The following DNAH7 variants were observed in gnomAD, a reference collection of about 807,000 sequenced individuals.
The protein encoded by DNAH7 is axonemal beta dynein heavy chain 7.
In DNAH7, 397 loss-of-function variants were observed where a neutral mutation model predicts 444.6. The observed-to-expected ratio is 0.89, with a 90% CI of 0.82 to 0.97. DNAH7 has a LOEUF of 0.97. Ranked by LOEUF, DNAH7 falls within the 50% of genes least tolerant of loss-of-function variation. The pLI, the probability that DNAH7 is intolerant of heterozygous loss-of-function variation, is 0.00. For missense variants in DNAH7, 4,902 were observed against 4,800.8 expected (o/e 1.02, Z -0.62); for synonymous variants, 1,636 against 1,624.4 (o/e 1.01, Z -0.17).
At chr2:195,798,683 A>C (rs1574455750) in intron 55 of DNAH7, among the ~76,000 whole-genome samples, 1 of 151,750 alleles carries the variant, frequency 6.6e-6, no homozygotes, top group African/African-American at 2.4e-5. Context: ...AGCTGGGACT[A>C]CAGGCGTCTG....
intron 42 of DNAH7, among the ~76,000 whole-genome samples, chr2:195,859,914 G>A (rs552521128): frequency 3.3e-4 from 50 of 152,258 alleles, no homozygotes; most frequent in African/African-American, 1.2e-3. Flanking sequence ...TTCCTTCCAA[G>A]TAACCTGAAA....
intron 17 of DNAH7, among the ~76,000 whole-genome samples, chr2:195,962,605 C>G (rs1691186912): frequency 1.3e-5 from 2 of 152,234 alleles, no homozygotes; most frequent in Non-Finnish European, 2.9e-5. Flanking sequence ...CTGCCTTGGC[C>G]TCCCAAAGTG....
At chr2:195,745,143 T>C (rs1017054754) in intron 63 of DNAH7, among the ~76,000 whole-genome samples, 19 of 151,820 alleles carry the variant, frequency 1.3e-4, no homozygotes, top group African/African-American at 2.2e-4. Flanking sequence ...GAATAACCAA[T>C]AGAGAGAAGT....
chr2:195,751,757 C>T (rs544444572), intron 63 of DNAH7, among the ~76,000 whole-genome samples: 1 of 152,306 alleles, frequency 6.6e-6, no homozygotes, highest in Non-Finnish European at 1.5e-5. Flanking sequence ...GCGGCTAGAA[C>T]ACGCCTGGCC....
In DNAH7 at chr2:196,052,908, C is replaced by T. The variant is rs144553060; in HGVS notation, c.79-1659G>A. Reference sequence around the variant, plus strand: ...GAAGGTAATCCATTCCCTAACTCAACAATGGTTCACCAGCTCCTACCATGT... The same window carrying T: ...GAAGGTAATCCATTCCCTAACTCAATAATGGTTCACCAGCTCCTACCATGT... On this transcript the variant is annotated intron_variant, in intron 2 of 64. Transcript: ENST00000312428. Among the ~76,000 whole-genome samples, 377 of 152,254 alleles carry T rather than the reference C, an allele frequency of 2.5e-3. 1 individual carries two copies. Among genetic ancestry groups the T allele is most frequent in the African/African-American group, 8.5e-3 (355 of 41,538 alleles).
chr2:196,005,342 AAGG>A (rs1205558371), intron 10 of DNAH7, among the ~76,000 whole-genome samples: 3 of 151,716 alleles, frequency 2.0e-5, no homozygotes, highest in Admixed American at 6.6e-5. Flanking sequence ...TCAAAACAAG[AAGG>A]AGAAGGGAGG....
chr2:195,777,812 A>AG lies in DNAH7; in HGVS notation c.11051dup (p.Pro3685SerfsTer4). On this transcript the variant is annotated frameshift_variant, in exon 59 of 65. Coordinates refer to ENST00000312428, the MANE Select transcript of DNAH7 (RefSeq NM_018897.3). LOFTEE classifies it high-confidence loss of function. Reference sequence around the variant, plus strand: ...AGGGCATACTTACATCACCAGAAGGAGGAACAAAATAGATGCCACTTGAGT... The same window carrying AG: ...AGGGCATACTTACATCACCAGAAGGAGGGAACAAAATAGATGCCACTTGAGT... 6.2e-7 allele frequency: 1 copy of AG among 1,612,012 alleles called. No individual in the cohort carries two copies. Among genetic ancestry groups the AG allele is most frequent in the South Asian group, 1.1e-5 (1 of 90,836 alleles).
intron 12 of DNAH7, among the ~76,000 whole-genome samples, chr2:195,998,413 A>C (rs995295499): frequency 6.6e-6 from 1 of 152,076 alleles, no homozygotes; most frequent in Non-Finnish European, 1.5e-5. Context: ...ATCTCTACTA[A>C]AAATACAAAA....
At chr2:195,970,756 A>G (rs1022822789) in intron 16 of DNAH7, among the ~76,000 whole-genome samples, 1 of 152,230 alleles carries the variant, frequency 6.6e-6, no homozygotes, top group African/African-American at 2.4e-5. Flanking sequence ...TCTAAAAAAT[A>G]GCTCAATAAA....
At chr2:195,776,793 G>A (rs1145936) in intron 59 of DNAH7, among the ~76,000 whole-genome samples, 2 of 151,846 alleles carry the variant, frequency 1.3e-5, no homozygotes, top group African/African-American at 2.4e-5. Flanking sequence ...TTAAATGGAC[G>A]TCTATTAAAA....
intron 2 of DNAH7, among the ~76,000 whole-genome samples, chr2:196,054,368 A>G (rs1458940322): frequency 6.6e-6 from 1 of 152,048 alleles, no homozygotes; most frequent in East Asian, 1.9e-4. Context: ...CAAAACAGAT[A>G]CACAAAAATA....
chr2:195,968,042 G>C (rs1210882438), intron 17 of DNAH7, among the ~76,000 whole-genome samples: 3 of 152,192 alleles, frequency 2.0e-5, no homozygotes, highest in Non-Finnish European at 2.9e-5. Context: ...GTTCATTTAA[G>C]GCCCAAGCAC....
chr2:196,047,543 G>A, intron 4 of DNAH7, 44 bp from the exon 5 acceptor site: 3 of 1,468,668 alleles, frequency 2.0e-6, no homozygotes, highest in East Asian at 2.4e-5. Context: ...TCATCTAAAA[G>A]GTAAGCTAAA....
rs1700841067 is a variant in DNAH7 at position 195,873,527 on chromosome 2, A to G, written c.6413+41T>C. On this transcript the variant is annotated intron_variant, in intron 39 of 64. Coordinates refer to ENST00000312428, the MANE Select transcript of DNAH7 (RefSeq NM_018897.3). ...TATTGATATGTTTCTAAAATATTTTATACCTCCTAATTAAAAAAAAAACAA... is the reference window on the plus strand; with the variant it reads ...TATTGATATGTTTCTAAAATATTTTGTACCTCCTAATTAAAAAAAAAACAA... The G allele has an allele frequency of 3.5e-6, 4 of 1,142,810 alleles. No homozygotes were observed. The African/African-American group carries it at 6.4e-5, about 18-fold the overall frequency. 70.8% of individuals were successfully genotyped at this position (1,142,810 alleles called of 1,614,324 possible). A position where few individuals can be genotyped will look rare whatever the true frequency, so the allele number is the denominator to read the frequency against.
intron 29 of DNAH7, among the ~76,000 whole-genome samples, chr2:195,895,526 G>A (rs146129818): frequency 6.4e-4 from 98 of 152,154 alleles, no homozygotes; most frequent in African/African-American, 1.5e-3. Flanking sequence ...TGCAGCCTCC[G>A]CCTCCCAGGC....
chr2:196,023,668 T>C (rs745338375), intron 8 of DNAH7, among the ~76,000 whole-genome samples: 2 of 152,212 alleles, frequency 1.3e-5, no homozygotes, highest in Non-Finnish European at 2.9e-5. Flanking sequence ...TAAGGCTGTT[T>C]CACTTTCTTG....
intron 61 of DNAH7, among the ~76,000 whole-genome samples, chr2:195,759,988 T>A (rs1448213262): frequency 1.3e-5 from 2 of 152,098 alleles, no homozygotes; most frequent in East Asian, 3.9e-4. Flanking sequence ...TAACCAAATT[T>A]TAATAGAAAA....
chr2:195,910,098 C>A lies in DNAH7; in HGVS notation c.4033G>T (p.Val1345Leu). 1 of 1,613,912 alleles carries A rather than the reference C, an allele frequency of 6.2e-7. No homozygotes were observed. Among genetic ancestry groups the A allele is most frequent in the Non-Finnish European group, 8.5e-7 (1 of 1,179,886 alleles). ...TETTKDLAKA[V>L]AKQCVVFNCS... is the part of the protein sequence containing the mutation. ...TTGAAAACAACACATTGTTTGGCTA[C>A]AGCTTTTGCCAAATCCTTGGTAGTT... Residue 1345 changes from valine (V) to leucine (L), a missense_variant, in exon 25 of 65, where the codon GTA becomes TTA. Transcript: ENST00000312428.
intron 47 of DNAH7, among the ~76,000 whole-genome samples, chr2:195,841,780 TCCCAAATGGAA>T (rs1698701960): frequency 6.6e-6 from 1 of 151,996 alleles, no homozygotes; most frequent in African/African-American, 2.4e-5. Context: ...AATCAGTGGT[TCCCAAATGGAA>T]ATTGAATTTT....
Sources: allele counts gnomAD v4.1 joint callset (sites outside exome capture counted in the v4.1 genomes callset), GRCh38; gene constraint gnomAD v4.1.1; transcripts MANE v1.5; gene names NCBI Gene and HGNC (gene_info 2026-07-23, HGNC 2026-07-21).